KCNIP4: variants seen among roughly 807,000 people sequenced by gnomAD.
KCNIP4 encodes the protein potassium voltage-gated channel interacting protein 4, also known as Kv channel-interacting protein 4.
Under a neutral mutation model 34.0 loss-of-function variants are expected in KCNIP4, and 12 were observed. The ratio of observed to expected loss-of-function variants is 0.35; its 90% CI spans 0.23 to 0.57. KCNIP4 has a LOEUF of 0.57. Ranked by LOEUF, KCNIP4 falls within the 20% of genes least tolerant of loss-of-function variation. The pLI, the probability that KCNIP4 is intolerant of heterozygous loss-of-function variation, is 0.83. For synonymous variants in KCNIP4, 124 were observed against 102.2 expected, an observed-to-expected ratio of 1.21 and a Z score of -1.29; for missense variants, 238 against 311.7, an observed-to-expected ratio of 0.76 and a Z score of 1.78.
intron 4 of KCNIP4, among the ~76,000 whole-genome samples, chr4:20,751,517 T>C (rs191289660): frequency 1.2e-4 from 18 of 151,634 alleles, no homozygotes; most frequent in Admixed American, 7.2e-4. Context: ...CGATGGTGTG[T>C]TGAACTGATT....
chr4:21,834,807 T>G (rs1723217360), intron 1 of KCNIP4, among the ~76,000 whole-genome samples: 1 of 152,148 alleles, frequency 6.6e-6, no homozygotes, highest in African/African-American at 2.4e-5. Context: ...CATGAAGGGT[T>G]GTTGAATTTT....
chr4:20,955,331 C>T (rs752594391), intron 1 of KCNIP4, among the ~76,000 whole-genome samples: 1 of 152,116 alleles, frequency 6.6e-6, no homozygotes, highest in Non-Finnish European at 1.5e-5. Context: ...TGAAGTCTTC[C>T]CAGAACAGAG....
chr4:21,120,838 G>T (rs1019176831), intron 1 of KCNIP4, among the ~76,000 whole-genome samples: 1 of 152,014 alleles, frequency 6.6e-6, no homozygotes, highest in Non-Finnish European at 1.5e-5. Context: ...CTAAATTAAG[G>T]CCCACCTCAA....
chr4:20,856,430 C>A (rs971355323), intron 2 of KCNIP4, among the ~76,000 whole-genome samples: 1 of 152,102 alleles, frequency 6.6e-6, no homozygotes, highest in Admixed American at 6.6e-5. Context: ...AATTGGTGAC[C>A]CCCTGGTCAT....
chr4:21,927,998 T>C (rs1385187104), intron 1 of KCNIP4, among the ~76,000 whole-genome samples: 1 of 152,102 alleles, frequency 6.6e-6, no homozygotes, highest in East Asian at 1.9e-4. Context: ...AAGCAGTCTG[T>C]CTACATAGGT....
intron 1 of KCNIP4, among the ~76,000 whole-genome samples, chr4:21,000,799 G>T (rs767866907): frequency 6.6e-6 from 1 of 152,052 alleles, no homozygotes; most frequent in Non-Finnish European, 1.5e-5. Context: ...AGCTACAGCG[G>T]TCTCCACTAT....
At position 20,914,800 on chromosome 4, in the gene KCNIP4, C is replaced by A. The variant is rs576616483; in HGVS notation, c.62-32091G>T. Reference sequence around the variant, plus strand: ...AACAACATGGTGGGTTCAGATCTTACCAACGATCCGAACCCTAATTAGTTG... The same window carrying A: ...AACAACATGGTGGGTTCAGATCTTAACAACGATCCGAACCCTAATTAGTTG... On this transcript the variant is annotated intron_variant, in intron 1 of 8. Coordinates refer to ENST00000382152, the MANE Select transcript of KCNIP4 (RefSeq NM_025221.6). 2.0e-5 allele frequency among the ~76,000 whole-genome samples: 3 copies of A among 152,248 alleles called. No homozygotes were observed. In the South Asian group the frequency reaches 6.2e-4, roughly 32 times the overall value.
At chr4:20,904,484 G>C (rs925715449) in intron 1 of KCNIP4, among the ~76,000 whole-genome samples, 2 of 151,818 alleles carry the variant, frequency 1.3e-5, no homozygotes, top group Non-Finnish European at 2.9e-5. Flanking sequence ...TAATTAAACA[G>C]TATAATTTCC....
intron 1 of KCNIP4, among the ~76,000 whole-genome samples, chr4:21,191,454 C>T (rs996214244): frequency 1.3e-5 from 2 of 152,220 alleles, no homozygotes; most frequent in African/African-American, 2.4e-5. Context: ...ACAACAAAAC[C>T]GCACACCAAG....
intron 1 of KCNIP4, among the ~76,000 whole-genome samples, chr4:21,538,903 C>G (rs879917067): frequency 6.6e-6 from 1 of 152,156 alleles, no homozygotes; most frequent in South Asian, 2.1e-4. Flanking sequence ...CAAATCTCAT[C>G]TCAAATTGTA....
chr4:21,154,934 C>T (rs746457426), intron 1 of KCNIP4, among the ~76,000 whole-genome samples: 10 of 152,126 alleles, frequency 6.6e-5, no homozygotes, highest in South Asian at 2.1e-4. Flanking sequence ...TTTCTGTAAC[C>T]GACAAAATAA....
chr4:20,908,245 G>A (rs1476678436), intron 1 of KCNIP4, among the ~76,000 whole-genome samples: 1 of 151,928 alleles, frequency 6.6e-6, no homozygotes, highest in Admixed American at 6.6e-5. Flanking sequence ...GATTACAGGT[G>A]CACACCGCCA....
intron 1 of KCNIP4, among the ~76,000 whole-genome samples, chr4:21,896,103 G>A (rs58985230): frequency 0.31 from 47,773 of 151,888 alleles, 7,868 homozygotes; most frequent in African/African-American, 0.42. Context: ...TCCATACATT[G>A]TCTCACTTCC....
intron 1 of KCNIP4, among the ~76,000 whole-genome samples, chr4:21,741,389 C>A (rs1022336442): frequency 6.6e-6 from 1 of 152,140 alleles, no homozygotes; most frequent in Non-Finnish European, 1.5e-5. Context: ...ATGATCTGAC[C>A]TCTATGAGGA....
At chr4:20,799,672 C>T (rs1323081300) in intron 3 of KCNIP4, among the ~76,000 whole-genome samples, 1 of 152,164 alleles carries the variant, frequency 6.6e-6, no homozygotes, top group African/African-American at 2.4e-5. Flanking sequence ...GTTACTGTAC[C>T]CAGGCTCACA....
chr4:20,854,472 G>A (rs1424458922), intron 2 of KCNIP4, among the ~76,000 whole-genome samples: 1 of 152,154 alleles, frequency 6.6e-6, no homozygotes, highest in Non-Finnish European at 1.5e-5. Flanking sequence ...TGATACAATG[G>A]ACTCTGGGGA....
At chr4:21,687,111 T>C (rs1264358883) in intron 1 of KCNIP4, among the ~76,000 whole-genome samples, 12 of 132,024 alleles carry the variant, frequency 9.1e-5, no homozygotes, top group Non-Finnish European at 1.6e-4. Flanking sequence ...TAGGTGGGAA[T>C]TGAACAATGA....
At chr4:21,188,291 A>G (rs1377009160) in intron 1 of KCNIP4, among the ~76,000 whole-genome samples, 1 of 152,148 alleles carries the variant, frequency 6.6e-6, no homozygotes, top group African/African-American at 2.4e-5. Flanking sequence ...TTTTCAAAGC[A>G]GCAATCTCTT....
At chr4:21,155,138 A>G (rs1450234455) in intron 1 of KCNIP4, among the ~76,000 whole-genome samples, 1 of 152,140 alleles carries the variant, frequency 6.6e-6, no homozygotes, top group Non-Finnish European at 1.5e-5. Context: ...GTGGGAGAGA[A>G]AGATTAGAGA....
Sources: allele counts gnomAD v4.1 joint callset (sites outside exome capture counted in the v4.1 genomes callset), GRCh38; gene constraint gnomAD v4.1.1; transcripts MANE v1.5; gene names NCBI Gene and HGNC (gene_info 2026-07-23, HGNC 2026-07-21).